Variants in BCAS3 observed in about 807,000 individuals in gnomAD.
BCAS3 encodes the protein BCAS3 microtubule associated cell migration factor, also known as BCAS4/BCAS3 fusion.
Under a neutral mutation model 116.1 loss-of-function variants are expected in BCAS3, and 53 were observed. That is an observed-to-expected ratio of 0.46 (90% confidence interval 0.37 to 0.57). The LOEUF (loss-of-function observed/expected upper bound fraction) is 0.57, where lower values mean the gene tolerates loss of function less well. Ranked by LOEUF, BCAS3 falls within the 20% of genes least tolerant of loss-of-function variation. The pLI, the probability that BCAS3 is intolerant of heterozygous loss-of-function variation, is 0.00. For missense variants in BCAS3, 917 were observed against 1,165.4 expected (o/e 0.79, Z 3.10); for synonymous variants, 391 against 408.2 (o/e 0.96, Z 0.51).
At chr17:61,293,547 G>C (rs965517450) in intron 22 of BCAS3, among the ~76,000 whole-genome samples, 1 of 152,184 alleles carries the variant, frequency 6.6e-6, no homozygotes. Context: ...GAGGATAGCA[G>C]AACAAGGTCT....
intron 22 of BCAS3, among the ~76,000 whole-genome samples, chr17:61,334,883 C>A (rs2056598834): frequency 6.6e-6 from 1 of 152,308 alleles, no homozygotes; most frequent in African/African-American, 2.4e-5. Flanking sequence ...GGCCTTGGCC[C>A]AGTAGCTAAG....
chr17:60,999,391 A>G (rs1447118290), intron 15 of BCAS3, among the ~76,000 whole-genome samples: 1 of 151,984 alleles, frequency 6.6e-6, no homozygotes, highest in Non-Finnish European at 1.5e-5. Flanking sequence ...GACAAAAAAA[A>G]TTAGCTGGGT....
At position 60,884,576 on chromosome 17, in the gene BCAS3, C is replaced by T. The variant is rs539193260; in HGVS notation, c.662-5119C>T. Among the ~76,000 whole-genome samples the T allele has an allele frequency of 2.1e-4, 30 of 145,080 alleles. 2 individuals are homozygous for T. The highest frequency in any genetic ancestry group is 7.4e-4 in the African/African-American group (27 of 36,696). On this transcript the variant is annotated intron_variant, in intron 9 of 23. Transcript: ENST00000407086. Reference sequence around the variant, plus strand: ...GATCTTTCCTGCTTTCTCTTGTGGGCATTTAGTGCTATAAATTTCCCTCTA... The same window carrying T: ...GATCTTTCCTGCTTTCTCTTGTGGGTATTTAGTGCTATAAATTTCCCTCTA...
chr17:61,044,302 C>A (rs1238505602), intron 19 of BCAS3, among the ~76,000 whole-genome samples: 1 of 151,526 alleles, frequency 6.6e-6, no homozygotes, highest in East Asian at 1.9e-4. Flanking sequence ...AAAAAATTAG[C>A]TGGGCGTGGT....
Position 61,368,217 on chromosome 17 carries a change from G to A in BCAS3, c.2426-110G>A, listed in dbSNP as rs1261934854. 77 of 1,222,482 alleles carry A rather than the reference G, an allele frequency of 6.3e-5. 1 individual carries two copies. The Admixed American group carries it at 1.6e-3, about 25-fold the overall frequency. 75.7% of individuals were successfully genotyped at this position (1,222,482 alleles called of 1,614,324 possible). A position where few individuals can be genotyped will look rare whatever the true frequency, so the allele number is the denominator to read the frequency against. ...TTGGCGGCGTGCTTCCATCCTACAGGAAGGCTACAATGGACCCTGGGTATG... is the reference window on the plus strand; with the variant it reads ...TTGGCGGCGTGCTTCCATCCTACAGAAAGGCTACAATGGACCCTGGGTATG... On this transcript the variant is annotated intron_variant, in intron 22 of 23. Coordinates refer to ENST00000407086, the MANE Select transcript of BCAS3 (RefSeq NM_017679.5). The surrounding 1 kb of genome is among the most constrained non-coding windows in gnomAD (Gnocchi z 6.0).
chr17:60,877,981 A>G (rs1599368486), intron 9 of BCAS3, among the ~76,000 whole-genome samples: 1 of 151,544 alleles, frequency 6.6e-6, no homozygotes, highest in Admixed American at 6.6e-5. Flanking sequence ...GTAATTAACT[A>G]TGTATATAAG....
chr17:61,381,561 A>G lies in BCAS3; in HGVS notation c.2594-10416A>G, dbSNP rs150002965. Among the ~76,000 whole-genome samples, 1,056 of 152,190 alleles carry G rather than the reference A, an allele frequency of 6.9e-3. 11 individuals are homozygous for G. Among genetic ancestry groups the G allele is most frequent in the African/African-American group, 0.024 (1,000 of 41,522 alleles). Reference sequence around the variant, plus strand: ...CCAAGAACTGGGTTATTTAACTTCAAACCTTGTTCACTGATGTCAAGGCTA... The same window carrying G: ...CCAAGAACTGGGTTATTTAACTTCAGACCTTGTTCACTGATGTCAAGGCTA... On this transcript the variant is annotated intron_variant, in intron 23 of 23. Transcript: ENST00000407086. This position sits in a 1 kb window ranked among gnomAD's most constrained non-coding sequence, Gnocchi z 6.0.
chr17:60,828,675 A>G (rs769220913), intron 7 of BCAS3, among the ~76,000 whole-genome samples: 2 of 152,240 alleles, frequency 1.3e-5, no homozygotes, highest in Non-Finnish European at 2.9e-5. Flanking sequence ...GATGTTTTCT[A>G]AAGATCACCT....
chr17:60,875,672 T>C (rs2144920029), intron 9 of BCAS3, among the ~76,000 whole-genome samples: 1 of 152,180 alleles, frequency 6.6e-6, no homozygotes, highest in Admixed American at 6.5e-5. Flanking sequence ...GTATCTTAAA[T>C]ATACAAATGT....
chr17:60,932,783 C>G (rs1387010800), intron 13 of BCAS3, among the ~76,000 whole-genome samples: 1 of 147,716 alleles, frequency 6.8e-6, no homozygotes, highest in East Asian at 2.0e-4. Context: ...GTCTCCATCT[C>G]TATATATTGG....
intron 21 of BCAS3, among the ~76,000 whole-genome samples, chr17:61,079,965 C>G (rs1396685327): frequency 7.3e-6 from 1 of 136,968 alleles, no homozygotes; most frequent in Non-Finnish European, 1.5e-5. Flanking sequence ...GATCTCAGTT[C>G]ACTGCAACAT....
intron 6 of BCAS3, among the ~76,000 whole-genome samples, chr17:60,749,606 C>T (rs1333701630): frequency 6.6e-6 from 1 of 152,020 alleles, no homozygotes; most frequent in Non-Finnish European, 1.5e-5. Context: ...AAATTAATTT[C>T]TTTCTTATTC....
In BCAS3 at chr17:61,077,668, A is replaced by C. The variant is rs1458786927; in HGVS notation, c.2131-665A>C. ...ATATTTGTGGCAGTTGAGAAAACAC[A>C]CTAATTAATGGTATTTGGAAGACAA... On this transcript the variant is annotated intron_variant, in intron 20 of 23. Coordinates refer to ENST00000407086, the MANE Select transcript of BCAS3 (RefSeq NM_017679.5). This position sits in a 1 kb window ranked among gnomAD's most constrained non-coding sequence, Gnocchi z 4.3. Among the ~76,000 whole-genome samples the C allele has an allele frequency of 6.6e-6, 1 of 152,346 alleles. No individual in the cohort carries two copies. The highest frequency in any genetic ancestry group is 2.1e-4 in the South Asian group (1 of 4,832).
Position 61,324,247 on chromosome 17 carries a change from G to A in BCAS3, c.2426-44080G>A, listed in dbSNP as rs2055549658. ...TCAATCAGTGAGTGAATTAGAGGCG[G>A]GAGAGACCCTACCTCCTTTATCATA... On this transcript the variant is annotated intron_variant, in intron 22 of 23. Coordinates refer to ENST00000407086, the MANE Select transcript of BCAS3 (RefSeq NM_017679.5). The surrounding 1 kb of genome is among the most constrained non-coding windows in gnomAD (Gnocchi z 4.6). Among the ~76,000 whole-genome samples the A allele has an allele frequency of 6.6e-6, 1 of 152,134 alleles. No individual in the cohort carries two copies. Among genetic ancestry groups the A allele is most frequent in the Admixed American group, 6.5e-5 (1 of 15,282 alleles).
At chr17:60,739,564 G>A (rs1287265948) in intron 5 of BCAS3, among the ~76,000 whole-genome samples, 1 of 152,028 alleles carries the variant, frequency 6.6e-6, no homozygotes, top group African/African-American at 2.4e-5. Context: ...AGGTTGCAGT[G>A]AGCTGAGATC....
At chr17:61,045,921 A>AT (rs2068098132) in intron 19 of BCAS3, among the ~76,000 whole-genome samples, 1 of 25,458 alleles carries the variant, frequency 3.9e-5, no homozygotes, top group African/African-American at 4.5e-4. Flanking sequence ...ATTTATATAT[A>AT]TAATATATAT....
intron 6 of BCAS3, among the ~76,000 whole-genome samples, chr17:60,755,435 G>A (rs541436553): frequency 3.4e-4 from 51 of 152,110 alleles, no homozygotes; most frequent in Non-Finnish European, 6.5e-4. Flanking sequence ...GTTGGTAAAT[G>A]GTGAAACTGA....
chr17:61,234,303 C>T (rs1203145900), intron 22 of BCAS3, among the ~76,000 whole-genome samples: 1 of 152,156 alleles, frequency 6.6e-6, no homozygotes, highest in Non-Finnish European at 1.5e-5. Context: ...CATTCCTACA[C>T]CATTGCTGAG....
At chr17:61,255,597 G>GTAGAC in intron 22 of BCAS3, among the ~76,000 whole-genome samples, 1 of 152,330 alleles carries the variant, frequency 6.6e-6, no homozygotes, top group African/African-American at 2.4e-5. Flanking sequence ...TGAAATCAGA[G>GTAGAC]TAGACTTGGC....
Sources: gnomAD v4.1 joint callset for allele counts (sites outside exome capture counted in the v4.1 genomes callset) on GRCh38, gnomAD v4.1.1 for gene constraint, Gnocchi (gnomAD v3.1) non-coding constraint, MANE v1.5 for transcripts, NCBI Gene and HGNC (gene_info 2026-07-23, HGNC 2026-07-21) for gene names.